KATNAL2: variants seen among roughly 807,000 people sequenced by gnomAD.
The protein encoded by KATNAL2 is katanin catalytic subunit A1 like 2.
KATNAL2 carries 52 observed loss-of-function variants against 76.3 expected under a neutral mutation model. The ratio of observed to expected loss-of-function variants is 0.68; its 90% CI spans 0.55 to 0.86. The LOEUF (loss-of-function observed/expected upper bound fraction) is 0.86. Among genes scored for constraint, KATNAL2 ranks in the 40% least tolerant of loss-of-function variants. KATNAL2 has a pLI of 0.00. For missense variants in KATNAL2, 660 were observed against 668.9 expected (o/e 0.99, Z 0.15); for synonymous variants, 243 against 244.2 (o/e 1.00, Z 0.05).
intron 1 of KATNAL2, 117 bp downstream of exon 1, chr18:46,918,043 C>G (rs1266120841): frequency 6.6e-6 from 1 of 151,450 alleles, no homozygotes; most frequent in Non-Finnish European, 1.5e-5. Context: ...CTGAAGGTCA[C>G]GGACTGCAGA....
At chr18:46,961,866 A>T (rs1188644628) in intron 3 of KATNAL2, among the ~76,000 whole-genome samples, 1 of 152,200 alleles carries the variant, frequency 6.6e-6, no homozygotes, top group East Asian at 1.9e-4. Flanking sequence ...TATTTTTAGG[A>T]GGGCCTGCAA....
intron 3 of KATNAL2, chr18:47,033,775 A>G (rs983134385): frequency 6.2e-7 from 1 of 1,614,168 alleles, no homozygotes; most frequent in Non-Finnish European, 8.5e-7. Context: ...TTCCTCCCGG[A>G]ACTTTGGTGA....
chr18:47,053,029 A>G lies in KATNAL2; in HGVS notation c.272A>G (p.Lys91Arg), dbSNP rs747236760. Residue 91 changes from lysine (K) to arginine (R), a missense_variant, in exon 5 of 18, where the codon AAA becomes AGA. Coordinates refer to ENST00000683218, the MANE Select transcript of KATNAL2 (RefSeq NM_001387690.1). ...VKFQKYPKIV[K>R]KSSDTAENNL... ...TTTCAGAAATACCCCAAAATTGTCA[A>G]AAAGTCATCAGACACAGGTACATGC... 1.9e-5 allele frequency: 30 copies of G among 1,604,356 alleles called. No homozygotes were observed. The Admixed American group carries it at 2.6e-4, about 14-fold the overall frequency.
rs150714886 is a variant in KATNAL2 at position 47,060,153 on chromosome 18, C to T, written c.549+499C>T. On this transcript the variant is annotated intron_variant, in intron 8 of 17. Transcript: ENST00000683218. ...CTAGGACTACAGGCATGCACCACAA[C>T]ATCCAGCTAATTTTTTTCATTTTTC... 5.2e-3 allele frequency among the ~76,000 whole-genome samples: 797 copies of T among 152,228 alleles called. 5 individuals carry two copies. Among genetic ancestry groups the T allele is most frequent in the African/African-American group, 0.018 (757 of 41,548 alleles).
intron 3 of KATNAL2, among the ~76,000 whole-genome samples, chr18:46,960,189 C>T (rs1408721687): frequency 1.3e-5 from 2 of 152,154 alleles, no homozygotes; most frequent in African/African-American, 4.8e-5. Flanking sequence ...ATAATCCCAG[C>T]ACTTTGGGAG....
chr18:47,063,367 A>G lies in KATNAL2; in HGVS notation c.726+6A>G. The stretch of plus-strand genomic sequence containing the variant: ...TGGCAGCCGTGGTGAGCCGGGTAAG[A>G]TCTGATATTCAATTCACAAATTTAT... On this transcript the variant is annotated splice_donor_region_variant and intron_variant, in intron 10 of 17. Coordinates refer to ENST00000683218, the MANE Select transcript of KATNAL2 (RefSeq NM_001387690.1). The G allele has an allele frequency of 1.2e-6, 2 of 1,612,184 alleles. No homozygotes were observed. Among genetic ancestry groups the G allele is most frequent in the Non-Finnish European group, 1.7e-6 (2 of 1,178,946 alleles).
At chr18:47,085,711 T>C (rs1231380031) in intron 15 of KATNAL2, among the ~76,000 whole-genome samples, 1 of 152,092 alleles carries the variant, frequency 6.6e-6, no homozygotes. Flanking sequence ...TTGGGGGAGA[T>C]TGATTTGAGT....
rs146911955 is a variant in KATNAL2, at chr18:47,034,948, T to A, written c.52-11509T>A. ...TTCTGGGAAGCCCCAGGCCTTTTCC[T>A]GGTCCTGAAGAGCCTCCCCGAAGCG... On this transcript the variant is annotated intron_variant, in intron 3 of 17. Coordinates refer to ENST00000683218, the MANE Select transcript of KATNAL2 (RefSeq NM_001387690.1). The A allele has an allele frequency of 2.5e-6, 4 of 1,606,914 alleles. No homozygotes were observed. In the South Asian group the frequency reaches 3.3e-5, roughly 13 times the overall value.
intron 1 of KATNAL2, among the ~76,000 whole-genome samples, chr18:46,933,798 C>A (rs1227492602): frequency 1.9e-5 from 2 of 107,390 alleles, no homozygotes; most frequent in African/African-American, 3.6e-5. Context: ...CCCCTCCCCC[C>A]ACCCCATAAC....
intron 14 of KATNAL2, among the ~76,000 whole-genome samples, chr18:47,075,751 C>G (rs965653728): frequency 6.6e-6 from 1 of 152,214 alleles, no homozygotes; most frequent in Admixed American, 6.5e-5. Context: ...GCCCACTCAG[C>G]CACTGTGCAG....
intron 1 of KATNAL2, among the ~76,000 whole-genome samples, chr18:46,929,280 T>C (rs193058098): frequency 1.2e-4 from 18 of 152,100 alleles, no homozygotes; most frequent in Non-Finnish European, 2.2e-4. Context: ...TCTCACTCTG[T>C]TGCCCAGGCT....
chr18:47,054,720 C>T (rs772909370), intron 6 of KATNAL2: 1 of 352,198 alleles, frequency 2.8e-6, no homozygotes, highest in Non-Finnish European at 5.1e-6. Context: ...TTAAAAGACC[C>T]AGGTTCAACT....
At chr18:46,928,971 G>A (rs1040120379) in intron 1 of KATNAL2, among the ~76,000 whole-genome samples, 1 of 151,652 alleles carries the variant, frequency 6.6e-6, no homozygotes, top group African/African-American at 2.4e-5. Context: ...AATTTTTTTT[G>A]TACTTTTAGT....
intron 15 of KATNAL2, among the ~76,000 whole-genome samples, chr18:47,081,310 A>G (rs1314980118): frequency 2.0e-5 from 3 of 152,212 alleles, no homozygotes; most frequent in Admixed American, 6.5e-5. Flanking sequence ...AGGCACATGC[A>G]TACTTTCAGG....
At chr18:47,060,192 T>G (rs2061591403) in intron 8 of KATNAL2, among the ~76,000 whole-genome samples, 1 of 152,136 alleles carries the variant, frequency 6.6e-6, no homozygotes, top group Non-Finnish European at 1.5e-5. Context: ...AGATGGGGTC[T>G]CACTATGTTG....
intron 13 of KATNAL2, among the ~76,000 whole-genome samples, chr18:47,074,269 G>A (rs1462333925): frequency 6.6e-6 from 1 of 152,164 alleles, no homozygotes; most frequent in East Asian, 1.9e-4. Context: ...ATGTACCCAC[G>A]AGCAGTGGGG....
intron 1 of KATNAL2, among the ~76,000 whole-genome samples, chr18:46,935,806 C>T (rs979467833): frequency 2.0e-5 from 3 of 152,158 alleles, no homozygotes; most frequent in Non-Finnish European, 4.4e-5. Flanking sequence ...GTCCCAGCTA[C>T]TCAGGAGGCT....
intron 1 of KATNAL2, among the ~76,000 whole-genome samples, chr18:46,927,806 ACTTCT>A (rs1248399787): frequency 2.0e-5 from 3 of 151,464 alleles, no homozygotes; most frequent in Non-Finnish European, 2.9e-5. Flanking sequence ...TTTTCTCTAC[ACTTCT>A]CTTCTCGCTT....
chr18:46,944,218 G>A (rs2059322693), intron 1 of KATNAL2, among the ~76,000 whole-genome samples: 1 of 152,138 alleles, frequency 6.6e-6, no homozygotes, highest in Non-Finnish European at 1.5e-5. Flanking sequence ...TGCCTTGTAA[G>A]ACATTAACAA....
Sources: gnomAD v4.1 joint callset for allele counts (sites outside exome capture counted in the v4.1 genomes callset) on GRCh38, gnomAD v4.1.1 for gene constraint, MANE v1.5 for transcripts, NCBI Gene and HGNC (gene_info 2026-07-23, HGNC 2026-07-21) for gene names.